The following USH2A variants were observed in gnomAD, a reference collection of about 807,000 sequenced individuals.
The protein encoded by USH2A is usherin.
Under a neutral mutation model 538.9 loss-of-function variants are expected in USH2A, and 443 were observed. The ratio of observed to expected loss-of-function variants is 0.82; its 90% CI spans 0.76 to 0.89. The LOEUF (loss-of-function observed/expected upper bound fraction) is 0.89. USH2A is among the 40% of genes least tolerant of loss of function. The pLI is 0.00. For synonymous variants in USH2A, 2,413 were observed against 2,273.5 expected, an observed-to-expected ratio of 1.06 and a Z score of -1.75; for missense variants, 6,633 against 6,324.8, an observed-to-expected ratio of 1.05 and a Z score of -1.65.
chr1:216,037,502 C>T (rs530336115), intron 32 of USH2A, among the ~76,000 whole-genome samples: 26 of 152,140 alleles, frequency 1.7e-4, no homozygotes, highest in African/African-American at 5.3e-4. Flanking sequence ...TTTGATTGTT[C>T]TTTGTTTTCA....
chr1:216,154,314 T>C (rs773614963), intron 21 of USH2A, among the ~76,000 whole-genome samples: 3 of 152,328 alleles, frequency 2.0e-5, no homozygotes, highest in Non-Finnish European at 4.4e-5. Context: ...AAACAGTATA[T>C]ACCAATTTGT....
chr1:215,758,429 AT>A (rs369556802), intron 58 of USH2A, among the ~76,000 whole-genome samples, 165 bp downstream of exon 58: 3 of 152,256 alleles, frequency 2.0e-5, no homozygotes, highest in African/African-American at 7.2e-5. Flanking sequence ...GTATGTACTC[AT>A]GCGTCTATAC....
intron 3 of USH2A, among the ~76,000 whole-genome samples, chr1:216,380,567 A>C (rs2038907338): frequency 6.6e-6 from 1 of 152,196 alleles, no homozygotes; most frequent in Non-Finnish European, 1.5e-5. Flanking sequence ...GCTAAGAGTG[A>C]ATATATCTGT....
chr1:216,024,591 T>C (rs969651355), intron 32 of USH2A, among the ~76,000 whole-genome samples: 1 of 152,062 alleles, frequency 6.6e-6, no homozygotes, highest in African/African-American at 2.4e-5. Flanking sequence ...ATCTAAAACA[T>C]ATAGTTAAAT....
At chr1:216,138,577 C>CT (rs1196723088) in intron 21 of USH2A, among the ~76,000 whole-genome samples, 1 of 152,120 alleles carries the variant, frequency 6.6e-6, no homozygotes, top group Non-Finnish European at 1.5e-5. Context: ...ACCAAGTCCT[C>CT]TTTTTTGGCT....
At chr1:216,183,349 G>T (rs2034529391) in intron 20 of USH2A, among the ~76,000 whole-genome samples, 1 of 151,284 alleles carries the variant, frequency 6.6e-6, no homozygotes, top group Non-Finnish European at 1.5e-5. Context: ...TTTATTTTGA[G>T]AAGCTGCCAT....
At chr1:216,295,839 A>G (rs561228081) in intron 9 of USH2A, among the ~76,000 whole-genome samples, 1 of 152,166 alleles carries the variant, frequency 6.6e-6, no homozygotes, top group East Asian at 1.9e-4. Flanking sequence ...TATTGGGACA[A>G]CAAAGGTTAT....
intron 67 of USH2A, among the ~76,000 whole-genome samples, chr1:215,645,672 T>G (rs1656819967): frequency 6.6e-6 from 1 of 152,250 alleles, no homozygotes; most frequent in African/African-American, 2.4e-5. Context: ...TTGGTCTTTA[T>G]GAATGCGTAA....
At chr1:216,200,733 A>G (rs1234917312) in intron 16 of USH2A, among the ~76,000 whole-genome samples, 1 of 152,156 alleles carries the variant, frequency 6.6e-6, no homozygotes, top group Non-Finnish European at 1.5e-5. Flanking sequence ...AGAGGTTTTT[A>G]AAAAATAAGA....
At chr1:216,049,499 T>C (rs2030664873) in intron 30 of USH2A, among the ~76,000 whole-genome samples, 1 of 152,184 alleles carries the variant, frequency 6.6e-6, no homozygotes, top group South Asian at 2.1e-4. Context: ...CCACTGTTTT[T>C]CCGCAAAGAC....
chr1:215,678,282 C>A (rs1658098336), intron 62 of USH2A, among the ~76,000 whole-genome samples: 1 of 152,186 alleles, frequency 6.6e-6, no homozygotes, highest in Admixed American at 6.5e-5. Flanking sequence ...GGAACAAATT[C>A]TAAACTTTAC....
chr1:215,691,874 G>A (rs1232959052), intron 61 of USH2A, among the ~76,000 whole-genome samples: 1 of 152,162 alleles, frequency 6.6e-6, no homozygotes, highest in Non-Finnish European at 1.5e-5. Flanking sequence ...AAGTAGACTT[G>A]AATGAGTCTA....
intron 61 of USH2A, among the ~76,000 whole-genome samples, chr1:215,725,309 A>G (rs1427282376): frequency 6.6e-6 from 1 of 152,234 alleles, no homozygotes; most frequent in Non-Finnish European, 1.5e-5. Context: ...CGTCTGGCCT[A>G]GATATCTTTT....
At chr1:216,211,261 G>C (rs1209378070) in intron 15 of USH2A, among the ~76,000 whole-genome samples, 1 of 152,138 alleles carries the variant, frequency 6.6e-6, no homozygotes, top group Non-Finnish European at 1.5e-5. Flanking sequence ...CCAATTTATA[G>C]CCAGTGGGTT....
chr1:216,089,278 A>T, intron 22 of USH2A, 139 bp from the exon 23 acceptor site: 1 of 937,568 alleles, frequency 1.1e-6, no homozygotes, highest in Non-Finnish European at 1.7e-6. Flanking sequence ...AACAGAACTC[A>T]AAATTAAAGC....
At chr1:215,810,950 T>A (rs1221028028) in intron 49 of USH2A, among the ~76,000 whole-genome samples, 4 of 152,142 alleles carry the variant, frequency 2.6e-5, no homozygotes, top group Non-Finnish European at 5.9e-5. Flanking sequence ...CTATTAATTA[T>A]AAGGAAAAAT....
At chr1:216,087,983 A>C (rs1270557787) in intron 23 of USH2A, among the ~76,000 whole-genome samples, 1 of 152,144 alleles carries the variant, frequency 6.6e-6, no homozygotes, top group South Asian at 2.1e-4. Context: ...TCAAAGTAAA[A>C]GCCCACAAGG....
At chr1:216,070,678 T>C (rs1017865391) in intron 29 of USH2A, among the ~76,000 whole-genome samples, 2 of 152,094 alleles carry the variant, frequency 1.3e-5, no homozygotes, top group Non-Finnish European at 2.9e-5. Flanking sequence ...TTATACATAG[T>C]AGTTTGACAC....
intron 61 of USH2A, among the ~76,000 whole-genome samples, chr1:215,711,982 T>C (rs1659349058): frequency 6.6e-6 from 1 of 152,176 alleles, no homozygotes; most frequent in Admixed American, 6.5e-5. Context: ...AACTTTAATT[T>C]CTGGATATAA....
Sources: allele counts gnomAD v4.1 joint callset (sites outside exome capture counted in the v4.1 genomes callset), GRCh38; gene constraint gnomAD v4.1.1; transcripts MANE v1.5; gene names NCBI Gene and HGNC (gene_info 2026-07-23, HGNC 2026-07-21).